EEFSEC: variants seen among roughly 807,000 people sequenced by gnomAD.
The protein encoded by EEFSEC is selenocysteine-specific elongation factor.
In EEFSEC, 43 loss-of-function variants were observed where a neutral mutation model predicts 42.1. That is an observed-to-expected ratio of 1.02 (90% CI 0.80 to 1.32). The LOEUF (loss-of-function observed/expected upper bound fraction) is 1.32, where lower values mean the gene tolerates loss of function less well. Among genes scored for constraint, EEFSEC ranks in the 40% most tolerant of loss-of-function variants. The pLI is 0.00. For missense variants in EEFSEC, 745 were observed against 803.6 expected, an observed-to-expected ratio of 0.93 and a Z score of 0.88; for synonymous variants, 354 against 339.1, an observed-to-expected ratio of 1.04 and a Z score of -0.48.
intron 1 of EEFSEC, among the ~76,000 whole-genome samples, chr3:128,235,765 C>T (rs2066002274): frequency 6.6e-6 from 1 of 152,204 alleles, no homozygotes; most frequent in African/African-American, 2.4e-5. Context: ...CTGGTTCTGA[C>T]CTTTTGCTCT....
At position 128,316,910 on chromosome 3, in the gene EEFSEC, T is replaced by G. The variant is rs138484236; in HGVS notation, c.787-24323T>G. ...GCCCCGACCTTCCTTGTAACTCATG[T>G]GCTCATCCTGTTAACTGGTTTAATA... On this transcript the variant is annotated intron_variant, in intron 4 of 6. Transcript: ENST00000254730. Among the ~76,000 whole-genome samples the G allele has an allele frequency of 3.4e-3, 514 of 152,374 alleles. 1 individual carries two copies. The highest frequency in any genetic ancestry group is 0.011 in the African/African-American group (471 of 41,584).
the EEFSEC span, among the ~76,000 whole-genome samples, chr3:128,418,242 C>T: frequency 1.3e-5 from 2 of 152,062 alleles, no homozygotes; most frequent in African/African-American, 2.4e-5. Flanking sequence ...CACGGCCCCT[C>T]GGTAAGTGCA....
At chr3:128,304,077 GT>G (rs554576554) in intron 4 of EEFSEC, among the ~76,000 whole-genome samples, 1,592 of 139,362 alleles carry the variant, frequency 0.011, 30 homozygotes, top group South Asian at 0.034. Context: ...TTCATAATAG[GT>G]TTTTTTTTTT....
At chr3:128,319,124 T>C (rs2108034275) in intron 4 of EEFSEC, among the ~76,000 whole-genome samples, 1 of 152,320 alleles carries the variant, frequency 6.6e-6, no homozygotes, top group Non-Finnish European at 1.5e-5. Context: ...ACATGTTTCA[T>C]GTTAAGTGCC....
chr3:128,264,538 C>G, intron 3 of EEFSEC, 79 bp from the exon 4 acceptor site: 1 of 1,508,390 alleles, frequency 6.6e-7, no homozygotes. Context: ...TGCTGGTCAG[C>G]CACATTCTCT....
intron 1 of EEFSEC, among the ~76,000 whole-genome samples, chr3:128,209,981 C>A (rs1004967348): frequency 2.6e-5 from 4 of 152,204 alleles, no homozygotes; most frequent in Admixed American, 2.6e-4. Context: ...AGTGGGGAAC[C>A]ACTGAAGGCT....
At chr3:128,406,769 C>T (rs1323209933) in intron 6 of EEFSEC, among the ~76,000 whole-genome samples, 1 of 151,844 alleles carries the variant, frequency 6.6e-6, no homozygotes, top group Non-Finnish European at 1.5e-5. Context: ...GCCAGGATTA[C>T]ACCACTGCAC....
At chr3:128,383,326 G>A (rs2067799047) in intron 6 of EEFSEC, among the ~76,000 whole-genome samples, 1 of 152,198 alleles carries the variant, frequency 6.6e-6, no homozygotes, top group Admixed American at 6.5e-5. Context: ...CGTGAATATG[G>A]GGAAGGTATG....
At chr3:128,198,655 A>G (rs1176560123) in intron 1 of EEFSEC, among the ~76,000 whole-genome samples, 1 of 152,210 alleles carries the variant, frequency 6.6e-6, no homozygotes, top group Non-Finnish European at 1.5e-5. Flanking sequence ...TCCTTTCTGA[A>G]GAAGGCTCCT....
intron 4 of EEFSEC, among the ~76,000 whole-genome samples, chr3:128,329,555 T>C (rs1475137420): frequency 6.6e-6 from 1 of 152,034 alleles, no homozygotes; most frequent in Non-Finnish European, 1.5e-5. Flanking sequence ...CATGACCTGC[T>C]CTAGCTGGAG....
At chr3:128,302,153 G>A (rs1219650873) in intron 4 of EEFSEC, among the ~76,000 whole-genome samples, 1 of 152,136 alleles carries the variant, frequency 6.6e-6, no homozygotes, top group African/African-American at 2.4e-5. Flanking sequence ...TATCATCTTG[G>A]TCCAAAGGCA....
At chr3:128,207,305 G>T (rs1044709155) in intron 1 of EEFSEC, among the ~76,000 whole-genome samples, 7 of 126,688 alleles carry the variant, frequency 5.5e-5, no homozygotes, top group African/African-American at 2.1e-4. Context: ...CAATTGTCTG[G>T]CTTCAGTTTC....
At chr3:128,321,154 G>A (rs184029611) in intron 4 of EEFSEC, among the ~76,000 whole-genome samples, 1 of 152,320 alleles carries the variant, frequency 6.6e-6, no homozygotes, top group Non-Finnish European at 1.5e-5. Context: ...GAGAGGCAGG[G>A]TCAGGCAGGC....
At chr3:128,307,508 C>G (rs2066844095) in intron 4 of EEFSEC, among the ~76,000 whole-genome samples, 1 of 152,148 alleles carries the variant, frequency 6.6e-6, no homozygotes, top group Non-Finnish European at 1.5e-5. Context: ...GCCTGATGAG[C>G]CTTTATAAAA....
chr3:128,175,011 A>C (rs948007885), intron 1 of EEFSEC, among the ~76,000 whole-genome samples: 2 of 152,224 alleles, frequency 1.3e-5, no homozygotes, highest in African/African-American at 4.8e-5. Flanking sequence ...GCTATTCAAT[A>C]GGATGCAGGA....
At chr3:128,231,882 C>T (rs2065962313) in intron 1 of EEFSEC, among the ~76,000 whole-genome samples, 1 of 151,996 alleles carries the variant, frequency 6.6e-6, no homozygotes, top group Admixed American at 6.6e-5. Flanking sequence ...GGGAGAGACA[C>T]GAGGACACAC....
chr3:128,228,068 G>A (rs1375190359), intron 1 of EEFSEC, among the ~76,000 whole-genome samples: 2 of 152,152 alleles, frequency 1.3e-5, no homozygotes, highest in African/African-American at 4.8e-5. Flanking sequence ...GTTGCTGGAG[G>A]GGGTGTTCTA....
chr3:128,355,916 A>G (rs1381593973), intron 5 of EEFSEC, among the ~76,000 whole-genome samples: 1 of 152,248 alleles, frequency 6.6e-6, no homozygotes, highest in Non-Finnish European at 1.5e-5. Flanking sequence ...GAGTACAGGA[A>G]GAGGGAGCCA....
downstream of EEFSEC, among the ~76,000 whole-genome samples, chr3:128,410,973 C>T (rs1002275272): frequency 3.3e-5 from 5 of 152,146 alleles, no homozygotes; most frequent in African/African-American, 1.2e-4. Flanking sequence ...CTCCCAGGAG[C>T]CTCTGAGCGC....
Sources: gnomAD v4.1 joint callset for allele counts (sites outside exome capture counted in the v4.1 genomes callset) on GRCh38, gnomAD v4.1.1 for gene constraint, MANE v1.5 for transcripts, NCBI Gene and HGNC (gene_info 2026-07-23, HGNC 2026-07-21) for gene names.